The following IFT80 variants were observed in gnomAD, a reference collection of about 807,000 sequenced individuals.
IFT80 encodes intraflagellar transport protein 80 homolog.
A neutral mutation model predicts 107.9 loss-of-function variants in IFT80; 79 were observed. The observed-to-expected ratio is 0.73, with a 90% CI of 0.61 to 0.88. The LOEUF is 0.88. Among genes scored for constraint, IFT80 ranks in the 40% least tolerant of loss-of-function variants. The pLI is 0.00. For missense variants in IFT80, 797 were observed against 914.2 expected (o/e 0.87, Z 1.65); for synonymous variants, 299 against 300.9 (o/e 0.99, Z 0.07).
At chr3:160,384,742 A>G (rs919165223) in intron 1 of IFT80, 96 bp from the exon 2 acceptor site, 11 of 858,844 alleles carry the variant, frequency 1.3e-5, no homozygotes, top group Non-Finnish European at 1.8e-5. Flanking sequence ...TTGCACCCCA[A>G]CGAGCACCTT....
In IFT80 at chr3:160,301,048, T is replaced by G. The variant is rs1247796423; in HGVS notation, c.1152-2A>C. On this transcript the variant is annotated splice_acceptor_variant, in intron 11 of 19. Coordinates refer to ENST00000326448, the MANE Select transcript of IFT80 (RefSeq NM_020800.3). LOFTEE classifies it high-confidence loss of function. Reference sequence around the variant, plus strand: ...CTACCATCTACAAGAAGAAAATGTCTAAAAAATAAAGAATAGAAATAGATT... The same window carrying G: ...CTACCATCTACAAGAAGAAAATGTCGAAAAAATAAAGAATAGAAATAGATT... 1 of 1,565,448 alleles carries G rather than the reference T, an allele frequency of 6.4e-7. No individual in the cohort carries two copies. Among genetic ancestry groups the G allele is most frequent in the Admixed American group, 1.8e-5 (1 of 56,616 alleles).
At chr3:160,285,415 A>C (rs973189154) in intron 13 of IFT80, among the ~76,000 whole-genome samples, 10 of 152,170 alleles carry the variant, frequency 6.6e-5, no homozygotes, top group Admixed American at 5.9e-4. Flanking sequence ...TACAGTCTTA[A>C]AACCTAAAGA....
At chr3:160,285,123 G>C (rs1037840780) in intron 13 of IFT80, among the ~76,000 whole-genome samples, 2 of 152,050 alleles carry the variant, frequency 1.3e-5, no homozygotes, top group Non-Finnish European at 2.9e-5. Context: ...TGGATTGCTT[G>C]AGCTCAGGAG....
intron 5 of IFT80, chr3:160,373,521 G>A (rs148920976): frequency 6.5e-6 from 1 of 152,810 alleles, no homozygotes; most frequent in East Asian, 1.9e-4. Context: ...ACCAGGTAGG[G>A]GTGGTTCAGG....
intron 9 of IFT80, among the ~76,000 whole-genome samples, chr3:160,309,414 G>GGT (rs1484099696): frequency 6.6e-6 from 1 of 152,210 alleles, no homozygotes; most frequent in Non-Finnish European, 1.5e-5. Flanking sequence ...AAATGCGCTA[G>GGT]GTGTGGTGGC....
At chr3:160,361,756 C>A (rs544386695) in intron 6 of IFT80, among the ~76,000 whole-genome samples, 15 of 152,290 alleles carry the variant, frequency 9.8e-5, no homozygotes, top group African/African-American at 3.6e-4. Context: ...GGAAACTGAA[C>A]AACCTGCTCC....
At chr3:160,342,290 C>CTAAT (rs1486680210) in intron 8 of IFT80, among the ~76,000 whole-genome samples, 2 of 152,140 alleles carry the variant, frequency 1.3e-5, no homozygotes, top group Non-Finnish European at 2.9e-5. Context: ...TACAAACATG[C>CTAAT]TAATGCTACT....
chr3:160,313,870 A>G (rs1201463360), intron 9 of IFT80, among the ~76,000 whole-genome samples: 1 of 152,036 alleles, frequency 6.6e-6, no homozygotes, highest in Non-Finnish European at 1.5e-5. Context: ...GGCCTCCCAA[A>G]GTGCTGGGAT....
chr3:160,396,822 ACT>A (rs1713813506), intron 1 of IFT80, among the ~76,000 whole-genome samples: 1 of 152,026 alleles, frequency 6.6e-6, no homozygotes, highest in East Asian at 1.9e-4. Flanking sequence ...ATTTCTTGTG[ACT>A]CTAATATCTT....
At chr3:160,395,280 A>G (rs1191998688) in intron 1 of IFT80, among the ~76,000 whole-genome samples, 4 of 152,214 alleles carry the variant, frequency 2.6e-5, no homozygotes, top group Non-Finnish European at 4.4e-5. Context: ...AATGAGGCTA[A>G]TAATACCTAC....
intron 1 of IFT80, among the ~76,000 whole-genome samples, chr3:160,387,313 G>A (rs1443985505): frequency 1.3e-5 from 2 of 152,178 alleles, no homozygotes; most frequent in African/African-American, 2.4e-5. Context: ...AGACCAGCCT[G>A]ACCAACGTGG....
intron 7 of IFT80, 83 bp from the exon 8 acceptor site, chr3:160,356,233 A>C (rs1721079042): frequency 8.3e-7 from 1 of 1,203,868 alleles, no homozygotes; most frequent in African/African-American, 1.5e-5. Flanking sequence ...AAATAAAATA[A>C]AAATGTTTTA....
At chr3:160,298,765 A>C (rs1716187993) in intron 12 of IFT80, among the ~76,000 whole-genome samples, 2 of 152,184 alleles carry the variant, frequency 1.3e-5, no homozygotes, top group Non-Finnish European at 2.9e-5. Context: ...CTTAGGCTAT[A>C]TGATATAGCC....
chr3:160,269,474 T>C (rs1251601851), intron 18 of IFT80, among the ~76,000 whole-genome samples: 2 of 152,176 alleles, frequency 1.3e-5, no homozygotes, highest in African/African-American at 4.8e-5. Flanking sequence ...TTGACAGTCA[T>C]TTAAGTTTTA....
chr3:160,365,436 A>G (rs1330611150), intron 6 of IFT80, among the ~76,000 whole-genome samples: 1 of 152,096 alleles, frequency 6.6e-6, no homozygotes, highest in African/African-American at 2.4e-5. Flanking sequence ...GTAGCCTGTC[A>G]ATGTCTACCA....
chr3:160,291,222 A>G (rs1338084537), intron 12 of IFT80, among the ~76,000 whole-genome samples: 5 of 152,250 alleles, frequency 3.3e-5, no homozygotes, highest in African/African-American at 7.2e-5. Flanking sequence ...CTAGCTTGCT[A>G]TTTGACATTA....
intron 8 of IFT80, among the ~76,000 whole-genome samples, chr3:160,352,297 A>G (rs1422625249): frequency 6.6e-6 from 1 of 152,130 alleles, no homozygotes; most frequent in Non-Finnish European, 1.5e-5. Flanking sequence ...CCCGGCCCCC[A>G]ACAGTAATTT....
chr3:160,258,897 C>A (rs1479018601), intron 19 of IFT80, among the ~76,000 whole-genome samples: 1 of 151,936 alleles, frequency 6.6e-6, no homozygotes, highest in African/African-American at 2.4e-5. Flanking sequence ...AGGAGTTTGA[C>A]AACATCCTGG....
intron 1 of IFT80, among the ~76,000 whole-genome samples, chr3:160,392,894 A>AC (rs113134209): frequency 0.041 from 6,244 of 152,146 alleles, 408 homozygotes; most frequent in African/African-American, 0.13. Flanking sequence ...ACATAGTGAG[A>AC]CCCCCTTCTT....
Sources: allele counts gnomAD v4.1 joint callset (sites outside exome capture counted in the v4.1 genomes callset), GRCh38; gene constraint gnomAD v4.1.1; transcripts MANE v1.5; gene names NCBI Gene and HGNC (gene_info 2026-07-23, HGNC 2026-07-21).